Variants in FAM184A observed in about 807,000 individuals in gnomAD.
The protein encoded by FAM184A is family with sequence similarity 184 member A, also known as protein FAM184A.
In FAM184A, 99 loss-of-function variants were observed where a neutral mutation model predicts 143.8. That is an observed-to-expected ratio of 0.69 (90% CI 0.58 to 0.81). The LOEUF (loss-of-function observed/expected upper bound fraction) is 0.81. Ranked by LOEUF, FAM184A falls within the 40% of genes least tolerant of loss-of-function variation. FAM184A has a pLI of 0.00. For missense variants in FAM184A, 1,217 were observed against 1,310.5 expected (o/e 0.93, Z 1.10); for synonymous variants, 427 against 446.4 (o/e 0.96, Z 0.55).
At chr6:119,141,570 A>C (rs922203564) in intron 1 of FAM184A, among the ~76,000 whole-genome samples, 1 of 152,060 alleles carries the variant, frequency 6.6e-6, no homozygotes, top group Admixed American at 6.6e-5. Flanking sequence ...TCTGCCTCCC[A>C]GGTTCAAGCG....
At chr6:119,120,924 C>G (rs1490821978) in intron 1 of FAM184A, among the ~76,000 whole-genome samples, 1 of 142,616 alleles carries the variant, frequency 7.0e-6, no homozygotes, top group Non-Finnish European at 1.5e-5. Flanking sequence ...CATCCTGCCT[C>G]AAACTCCTGT....
At chr6:119,069,410 A>G (rs944448134) in intron 1 of FAM184A, among the ~76,000 whole-genome samples, 2 of 152,184 alleles carry the variant, frequency 1.3e-5, no homozygotes, top group African/African-American at 4.8e-5. Flanking sequence ...AGAAATGAGA[A>G]TCTTTAAAAC....
intron 1 of FAM184A, among the ~76,000 whole-genome samples, chr6:119,056,810 T>C (rs1786995061): frequency 6.6e-6 from 1 of 152,172 alleles, no homozygotes; most frequent in Admixed American, 6.5e-5. Flanking sequence ...CTATATCCCA[T>C]ATAAGCCTGG....
At chr6:119,062,689 A>C (rs1787305744) in intron 1 of FAM184A, among the ~76,000 whole-genome samples, 1 of 152,162 alleles carries the variant, frequency 6.6e-6, no homozygotes, top group South Asian at 2.1e-4. Flanking sequence ...AAGATTGGTT[A>C]GTTCCACTGA....
At chr6:119,101,197 G>T (rs533915265) in intron 1 of FAM184A, among the ~76,000 whole-genome samples, 5 of 151,300 alleles carry the variant, frequency 3.3e-5, no homozygotes, top group Middle Eastern at 6.8e-3. Flanking sequence ...CTCCCGAGTA[G>T]CTGGGATTAC....
In FAM184A at chr6:119,078,365, C is replaced by T. The variant is rs1270816190; in HGVS notation, c.-66G>A. ...TGGAGGCAGGCCCGTGGAGCAACGA[C>T]GCCCGGGAGGCAAGAGTCGCGGCGG... On this transcript the variant is annotated 5_prime_UTR_variant, in exon 1 of 18. Transcript: ENST00000338891. This position sits in a 1 kb window ranked among gnomAD's most constrained non-coding sequence, Gnocchi z 5.5. 1.1e-5 allele frequency: 15 copies of T among 1,351,686 alleles called. No individual in the cohort carries two copies. The highest frequency in any genetic ancestry group is 1.4e-5 in the Non-Finnish European group (15 of 1,052,674). The allele number at this position is 1,351,686 out of a possible 1,614,324, so 83.7% of individuals were successfully genotyped here.
chr6:119,020,338 T>A (rs1785400101), intron 3 of FAM184A, among the ~76,000 whole-genome samples, 179 bp from the exon 4 acceptor site: 1 of 152,256 alleles, frequency 6.6e-6, no homozygotes, highest in African/African-American at 2.4e-5. Flanking sequence ...AAAATACTTC[T>A]TAGCGCACTA....
At chr6:119,019,796 A>G (rs1785380837) in intron 4 of FAM184A, among the ~76,000 whole-genome samples, 182 bp downstream of exon 4, 2 of 152,260 alleles carry the variant, frequency 1.3e-5, no homozygotes, top group Non-Finnish European at 2.9e-5. Context: ...TTTTGAACAT[A>G]CATACAGCAT....
chr6:119,028,547 A>G (rs1241291554), intron 1 of FAM184A, among the ~76,000 whole-genome samples: 1 of 152,184 alleles, frequency 6.6e-6, no homozygotes, highest in Non-Finnish European at 1.5e-5. Context: ...TAAAAACACA[A>G]AAGTCAAGTT....
chr6:118,992,225 T>C (rs760722279), intron 9 of FAM184A, among the ~76,000 whole-genome samples: 5 of 151,954 alleles, frequency 3.3e-5, no homozygotes, highest in Non-Finnish European at 7.4e-5. Context: ...TGAAAGCAAA[T>C]AGAGCTAGAA....
intron 6 of FAM184A, among the ~76,000 whole-genome samples, chr6:119,007,814 G>A (rs753337259): frequency 3.9e-5 from 6 of 151,960 alleles, no homozygotes; most frequent in East Asian, 3.9e-4. Context: ...GGTGGCGCGC[G>A]ACTGTAATCC....
intron 1 of FAM184A, among the ~76,000 whole-genome samples, chr6:119,122,471 CA>C (rs1789242715): frequency 6.6e-6 from 1 of 152,156 alleles, no homozygotes; most frequent in African/African-American, 2.4e-5. Context: ...AAGCCAGAAA[CA>C]GATACTTCAG....
chr6:119,082,491 C>T (rs1337876599), upstream of FAM184A, among the ~76,000 whole-genome samples: 1 of 152,278 alleles, frequency 6.6e-6, no homozygotes, highest in East Asian at 1.9e-4. Flanking sequence ...AAGTTAGTTA[C>T]TTCCAAGATA....
intron 1 of FAM184A, among the ~76,000 whole-genome samples, chr6:119,137,577 C>T (rs1386952463): frequency 1.3e-5 from 2 of 152,218 alleles, no homozygotes; most frequent in Admixed American, 6.5e-5. Flanking sequence ...ATTCAGTCCA[C>T]AGTAGGCACC....
At chr6:119,055,215 A>C (rs973116941) in intron 1 of FAM184A, among the ~76,000 whole-genome samples, 1 of 152,208 alleles carries the variant, frequency 6.6e-6, no homozygotes, top group Middle Eastern at 3.2e-3. Flanking sequence ...ACATTGTAGC[A>C]TATATCAGTA....
At position 118,961,751 on chromosome 6, in the gene FAM184A, CGGGTCT is replaced by C. The variant is rs1783332727; in HGVS notation, c.3341+4_3341+9del. 1 of 1,609,398 alleles carries C rather than the reference CGGGTCT, an allele frequency of 6.2e-7. No individual in the cohort carries two copies. Among genetic ancestry groups the C allele is most frequent in the Non-Finnish European group, 8.5e-7 (1 of 1,176,492 alleles). Reference sequence around the variant, plus strand: ...AGAAAAGAAAAAAACATTGGTGAGACGGGTCTCACCTCAAAAATGTCTTGGGCCCTT... The same window carrying C: ...AGAAAAGAAAAAAACATTGGTGAGACCACCTCAAAAATGTCTTGGGCCCTT... On this transcript the variant is annotated splice_donor_5th_base_variant and intron_variant, in intron 17 of 17. Transcript: ENST00000338891.
intron 4 of FAM184A, 51 bp from the exon 5 acceptor site, chr6:119,016,995 T>C (rs1244914915): frequency 1.6e-6 from 2 of 1,280,194 alleles, no homozygotes; most frequent in African/African-American, 3.0e-5. Flanking sequence ...TTCATTACTG[T>C]TATTAGGGTA....
Position 118,979,476 on chromosome 6 carries a change from G to T in FAM184A, c.2344C>A (p.Gln782Lys), listed in dbSNP as rs778792113. 2 of 1,613,558 alleles carry T rather than the reference G, an allele frequency of 1.2e-6. No individual in the cohort carries two copies. Among genetic ancestry groups the T allele is most frequent in the Non-Finnish European group, 1.7e-6 (2 of 1,179,812 alleles). Residue 782 changes from glutamine (Q) to lysine (K), a missense_variant, in exon 11 of 18, where the codon CAA (glutamine) becomes AAA (lysine). Coordinates refer to ENST00000338891, the MANE Select transcript of FAM184A (RefSeq NM_024581.6). ...HLQQKHSAELQSLKDAHRESM... is the reference protein window; with the variant it reads ...HLQQKHSAELKSLKDAHRESM... Reference sequence around the variant, plus strand: ...TCTCTGTGTGCATCTTTTAGTGATTGAAGCTCTGCAGAATGCTTCTGTTGT... The same window carrying T: ...TCTCTGTGTGCATCTTTTAGTGATTTAAGCTCTGCAGAATGCTTCTGTTGT...
intron 1 of FAM184A, among the ~76,000 whole-genome samples, chr6:119,126,974 C>T (rs750273978): frequency 3.4e-4 from 52 of 152,326 alleles, no homozygotes; most frequent in South Asian, 8.3e-4. Context: ...TCCCCGATGT[C>T]CAGCTGTTTC....
Sources: allele counts gnomAD v4.1 joint callset (sites outside exome capture counted in the v4.1 genomes callset), GRCh38; gene constraint gnomAD v4.1.1; non-coding constraint Gnocchi (gnomAD v3.1); transcripts MANE v1.5; gene names NCBI Gene and HGNC (gene_info 2026-07-23, HGNC 2026-07-21).